SATL1: variants seen among roughly 807,000 people sequenced by gnomAD.
SATL1 encodes the protein spermidine/spermine N(1)-acetyltransferase-like protein 1.
SATL1 carries 47 observed loss-of-function variants against 51.8 expected under a neutral mutation model. That is an observed-to-expected ratio of 0.91 (90% CI 0.72 to 1.16). The LOEUF (loss-of-function observed/expected upper bound fraction) is 1.16. Ranked by LOEUF, SATL1 falls within the 50% of genes most tolerant of loss-of-function variation. The pLI is 0.00. For missense variants in SATL1, 520 were observed against 526.4 expected (o/e 0.99, Z 0.12); for synonymous variants, 176 against 182.4 (o/e 0.97, Z 0.28).
chrX:85,210,022 G>C (rs6653046), intron 2 of SATL1: 14,115 of 109,347 alleles, frequency 0.13, 712 homozygotes, highest in South Asian at 0.18. Flanking sequence ...TAATGTAAAC[G>C]TTAACTGCTG....
At chrX:85,232,258 T>C (rs1322056534) in intron 1 of SATL1, among the ~76,000 whole-genome samples, 1 of 109,602 alleles carries the variant, frequency 9.1e-6, no homozygotes, top group Admixed American at 9.8e-5. Context: ...AAACAGCGCT[T>C]GGGTCCTGAA....
intron 2 of SATL1, among the ~76,000 whole-genome samples, chrX:85,132,578 C>T (rs1205233827): frequency 9.0e-6 from 1 of 111,569 alleles, no homozygotes; most frequent in African/African-American, 3.3e-5. Context: ...TTTTAGCTTG[C>T]TTGCAATGGT....
intron 2 of SATL1, among the ~76,000 whole-genome samples, chrX:85,196,249 CA>C (rs1162327977): frequency 6.3e-5 from 7 of 111,089 alleles, no homozygotes; most frequent in Non-Finnish European, 1.3e-4. Context: ...CACAAAGCTA[CA>C]AAGTAGAAAA....
intron 2 of SATL1, among the ~76,000 whole-genome samples, chrX:85,163,014 T>C (rs1926757017): frequency 9.1e-6 from 1 of 109,909 alleles, no homozygotes. Flanking sequence ...TTTTTTTTTT[T>C]TATGTCCTTT....
At chrX:85,166,941 A>ATGTGTG (rs60077558) in intron 2 of SATL1, among the ~76,000 whole-genome samples, 14 of 77,569 alleles carry the variant, frequency 1.8e-4, no homozygotes, top group East Asian at 4.3e-4. Context: ...ATATATGTGT[A>ATGTGTG]TGTGTGTGTG....
chrX:85,140,082 C>T (rs1238472133), intron 2 of SATL1, among the ~76,000 whole-genome samples: 1 of 111,427 alleles, frequency 9.0e-6, no homozygotes, highest in Non-Finnish European at 1.9e-5. Flanking sequence ...ATATTAATGG[C>T]AAAAACAGCA....
At chrX:85,171,393 TTA>T (rs1273801618) in intron 2 of SATL1, among the ~76,000 whole-genome samples, 1 of 112,029 alleles carries the variant, frequency 8.9e-6, no homozygotes, top group Non-Finnish European at 1.9e-5. Context: ...GTTATTTCAA[TTA>T]TGTTATTGAA....
intron 2 of SATL1, among the ~76,000 whole-genome samples, chrX:85,193,405 T>C (rs1047661702): frequency 9.0e-6 from 1 of 110,935 alleles, no homozygotes; most frequent in African/African-American, 3.3e-5. Context: ...ATGGCAAGAG[T>C]CTGAAAAGCC....
intron 1 of SATL1, among the ~76,000 whole-genome samples, chrX:85,225,163 G>A (rs1453890906): frequency 8.9e-6 from 1 of 111,798 alleles, no homozygotes; most frequent in Non-Finnish European, 1.9e-5. Flanking sequence ...ACAACAAAAC[G>A]GATCCTTGCA....
chrX:85,232,361 C>T (rs1181246194), intron 1 of SATL1, among the ~76,000 whole-genome samples: 1 of 110,963 alleles, frequency 9.0e-6, no homozygotes, highest in Admixed American at 9.6e-5. Flanking sequence ...CAGCACATTC[C>T]CAGCTGGTGT....
chrX:85,175,405 A>T (rs1009311057), intron 2 of SATL1, among the ~76,000 whole-genome samples: 13 of 111,796 alleles, frequency 1.2e-4, no homozygotes, highest in East Asian at 1.1e-3. Flanking sequence ...TCCAACTATG[A>T]CTCAAAATAC....
intron 2 of SATL1, 52 bp from the exon 3 acceptor site, chrX:85,109,332 T>G: frequency 1.6e-5 from 4 of 246,263 alleles, no homozygotes; most frequent in Non-Finnish European, 2.2e-5. Flanking sequence ...TGGAGGAGTA[T>G]AACCACCAGC....
rs777312210 is a variant in SATL1 at position 85,095,016 on chromosome X, A to G, written c.1694-20T>C. Reference sequence around the variant, plus strand: ...GTAAATCTGAAATATCAATTCATATATAGGATGTCAGAAAGTTTATAGCAG... The same window carrying G: ...GTAAATCTGAAATATCAATTCATATGTAGGATGTCAGAAAGTTTATAGCAG... On this transcript the variant is annotated intron_variant, in intron 4 of 7. Transcript: ENST00000644105. The G allele has an allele frequency of 4.4e-6, 4 of 916,741 alleles. No homozygotes were observed. Among genetic ancestry groups the G allele is most frequent in the Non-Finnish European group, 6.3e-6 (4 of 634,303 alleles). 75.5% of individuals were successfully genotyped at this position (916,741 alleles called of 1,213,427 possible). A position where few individuals can be genotyped will look rare whatever the true frequency, so the allele number is the denominator to read the frequency against.
intron 7 of SATL1, 124 bp from the exon 8 acceptor site, chrX:85,092,685 G>A (rs917783104): frequency 1.5e-6 from 1 of 651,915 alleles, no homozygotes; most frequent in African/African-American, 2.2e-5. Context: ...TCCAAATATA[G>A]TAGTTACCTT....
intron 2 of SATL1, chrX:85,210,112 T>C (rs139675732): frequency 9.0e-4 from 97 of 107,897 alleles, no homozygotes; most frequent in African/African-American, 3.1e-3. Flanking sequence ...AGATGGTCAC[T>C]ACTTCCAGAG....
At chrX:85,203,066 T>C (rs768437883) in intron 2 of SATL1, among the ~76,000 whole-genome samples, 38 of 111,561 alleles carry the variant, frequency 3.4e-4, no homozygotes, top group Non-Finnish European at 6.4e-4. Context: ...CACCTTTCCA[T>C]AGGGCTGCTG....
intron 2 of SATL1, among the ~76,000 whole-genome samples, chrX:85,190,585 C>T (rs917205684): frequency 4.5e-5 from 5 of 111,328 alleles, no homozygotes; most frequent in African/African-American, 1.6e-4. Flanking sequence ...TATTCTTCTA[C>T]TTAATAAAAT....
chrX:85,227,274 C>T (rs925784388), intron 1 of SATL1, among the ~76,000 whole-genome samples: 5 of 111,659 alleles, frequency 4.5e-5, no homozygotes, highest in African/African-American at 1.6e-4. Flanking sequence ...TCCTATCTCT[C>T]TTCATTCTAC....
At chrX:85,167,997 TTAATCA>T (rs1926881968) in intron 2 of SATL1, among the ~76,000 whole-genome samples, 1 of 108,045 alleles carries the variant, frequency 9.3e-6, no homozygotes, top group Non-Finnish European at 1.9e-5. Flanking sequence ...ATAAGTGTGA[TTAATCA>T]CTTAAATAGA....
Sources: allele counts gnomAD v4.1 joint callset (sites outside exome capture counted in the v4.1 genomes callset), GRCh38; gene constraint gnomAD v4.1.1; transcripts MANE v1.5; gene names NCBI Gene and HGNC (gene_info 2026-07-23, HGNC 2026-07-21).